CDK14: variants seen among roughly 807,000 people sequenced by gnomAD.
CDK14 encodes cyclin dependent kinase 14.
A neutral mutation model predicts 60.7 loss-of-function variants in CDK14; 34 were observed. The ratio of observed to expected loss-of-function variants is 0.56; its 90% CI spans 0.43 to 0.75. The LOEUF is 0.75. CDK14 is among the 30% of genes least tolerant of loss of function. CDK14 has a pLI of 0.00. For missense variants in CDK14, 482 were observed against 564.1 expected (o/e 0.85, Z 1.47); for synonymous variants, 197 against 203.7 (o/e 0.97, Z 0.28).
At chr7:90,966,805 T>C (rs567730457) in intron 9 of CDK14, among the ~76,000 whole-genome samples, 8 of 152,300 alleles carry the variant, frequency 5.3e-5, no homozygotes, top group African/African-American at 1.4e-4. Context: ...CTGAACTTTT[T>C]CCAAGTTGCT....
chr7:91,191,263 T>TA (rs1244189762), intron 14 of CDK14, among the ~76,000 whole-genome samples: 1 of 152,118 alleles, frequency 6.6e-6, no homozygotes, highest in Non-Finnish European at 1.5e-5. Context: ...CACAGCTTCA[T>TA]ACACCACTGA....
intron 14 of CDK14, among the ~76,000 whole-genome samples, chr7:91,149,095 A>G (rs1450842426): frequency 6.6e-6 from 1 of 152,204 alleles, no homozygotes; most frequent in Non-Finnish European, 1.5e-5. Flanking sequence ...AATCATTGCA[A>G]TATACAAGCA....
intron 14 of CDK14, among the ~76,000 whole-genome samples, chr7:91,138,842 G>C (rs1373146967): frequency 6.6e-6 from 1 of 151,878 alleles, no homozygotes; most frequent in Non-Finnish European, 1.5e-5. Flanking sequence ...AATAAAACTG[G>C]GCCCTGGGCG....
At chr7:91,056,390 T>A (rs899032273) in intron 11 of CDK14, among the ~76,000 whole-genome samples, 1 of 152,168 alleles carries the variant, frequency 6.6e-6, no homozygotes, top group African/African-American at 2.4e-5. Flanking sequence ...TTCATATAAA[T>A]TTTTCAGCAT....
intron 4 of CDK14, among the ~76,000 whole-genome samples, chr7:90,772,484 C>T (rs1246057575): frequency 6.6e-6 from 1 of 152,014 alleles, no homozygotes; most frequent in Non-Finnish European, 1.5e-5. Flanking sequence ...TTGTGGGAGG[C>T]GATTGGATCA....
At chr7:91,174,170 C>A (rs1028398502) in intron 14 of CDK14, among the ~76,000 whole-genome samples, 2 of 152,028 alleles carry the variant, frequency 1.3e-5, no homozygotes, top group Admixed American at 1.3e-4. Context: ...AGCAGCCTAA[C>A]TGGGAGGCAC....
At chr7:90,920,403 C>T (rs1023201230) in intron 8 of CDK14, among the ~76,000 whole-genome samples, 4 of 152,104 alleles carry the variant, frequency 2.6e-5, no homozygotes, top group African/African-American at 9.7e-5. Context: ...AGGGAAAAGA[C>T]TAAAATTTAT....
chr7:90,899,420 G>C lies in CDK14; in HGVS notation c.702+67G>C, dbSNP rs190268211. The C allele has an allele frequency of 1.7e-5, 21 of 1,209,420 alleles. No individual in the cohort carries two copies. In the Admixed American group the frequency reaches 4.9e-4, roughly 28 times the overall value. The allele number at this position is 1,209,420 out of a possible 1,614,324, so 74.9% of individuals were successfully genotyped here. On this transcript the variant is annotated intron_variant, in intron 7 of 14. Coordinates refer to ENST00000380050, the MANE Select transcript of CDK14 (RefSeq NM_001287135.2). ...TGTGTATTTTTTGAACTGAAGTCTA[G>C]CATCTCTACCATAACATATTTAAAT...
Position 91,192,306 on chromosome 7 carries a change from T to C in CDK14, c.*29-14859T>C, listed in dbSNP as rs141178180. ...GAACAGCAGATAGAAAACCATGAGT[T>C]GCTCTTCTAATGATCAGAAAAACAC... On this transcript the variant is annotated intron_variant, in intron 14 of 14. Transcript: ENST00000380050. Among the ~76,000 whole-genome samples the C allele has an allele frequency of 3.4e-3, 517 of 152,302 alleles. 2 individuals carry two copies. Among genetic ancestry groups the C allele is most frequent in the Middle Eastern group, 0.014 (4 of 294 alleles).
chr7:91,114,052 T>C (rs1364726136), intron 13 of CDK14, among the ~76,000 whole-genome samples: 1 of 152,174 alleles, frequency 6.6e-6, no homozygotes, highest in Non-Finnish European at 1.5e-5. Flanking sequence ...AAAATAATTT[T>C]CCTATACTGA....
In CDK14 at chr7:90,660,996, A is replaced by G. The variant is rs1002819224; in HGVS notation, c.123+56747A>G. On this transcript the variant is annotated intron_variant, in intron 2 of 14. Coordinates refer to ENST00000380050, the MANE Select transcript of CDK14 (RefSeq NM_001287135.2). ...TGAGTCACAGGAGGTAGAAACTGAC[A>G]AAACCATGGAGTGCAGCCACTGTGT... Among the ~76,000 whole-genome samples the G allele has an allele frequency of 1.2e-4, 19 of 152,230 alleles. 1 individual carries two copies. The highest frequency in any genetic ancestry group is 2.4e-4 in the Non-Finnish European group (16 of 68,038).
At chr7:90,945,759 A>G (rs1794081936) in intron 8 of CDK14, among the ~76,000 whole-genome samples, 1 of 152,238 alleles carries the variant, frequency 6.6e-6, no homozygotes, top group South Asian at 2.1e-4. Flanking sequence ...AGGAGAGTCA[A>G]GAATGCATCA....
intron 10 of CDK14, among the ~76,000 whole-genome samples, chr7:91,037,097 T>C (rs1048961736): frequency 4.6e-5 from 7 of 152,260 alleles, no homozygotes; most frequent in African/African-American, 1.7e-4. Context: ...GCTTGCTGCA[T>C]GCCACCTGTT....
At chr7:90,975,373 AT>A (rs1170303740) in intron 9 of CDK14, among the ~76,000 whole-genome samples, 1 of 151,784 alleles carries the variant, frequency 6.6e-6, no homozygotes, top group Non-Finnish European at 1.5e-5. Flanking sequence ...AATAATTTAC[AT>A]TTTCATTGGG....
At chr7:90,688,611 T>C (rs540340819) in intron 2 of CDK14, among the ~76,000 whole-genome samples, 109 of 152,306 alleles carry the variant, frequency 7.2e-4, no homozygotes, top group African/African-American at 2.5e-3. Context: ...AAACTGCTGC[T>C]AACAGATTAT....
chr7:90,758,408 A>C (rs1289220137), intron 4 of CDK14, among the ~76,000 whole-genome samples: 1 of 152,188 alleles, frequency 6.6e-6, no homozygotes, highest in Non-Finnish European at 1.5e-5. Context: ...TGTAGCATTT[A>C]ATATAGGATT....
At chr7:90,628,977 T>C (rs1035232962) in intron 2 of CDK14, among the ~76,000 whole-genome samples, 2 of 151,932 alleles carry the variant, frequency 1.3e-5, no homozygotes, top group Non-Finnish European at 2.9e-5. Context: ...AGATCTAGTA[T>C]ATGATAGCAA....
At chr7:91,054,977 A>G (rs757732054) in intron 11 of CDK14, among the ~76,000 whole-genome samples, 4 of 152,186 alleles carry the variant, frequency 2.6e-5, no homozygotes, top group Non-Finnish European at 5.9e-5. Flanking sequence ...CCTACAGGCT[A>G]CAAAAAGTCA....
chr7:90,956,528 A>G (rs1200141150), intron 9 of CDK14, among the ~76,000 whole-genome samples: 9 of 152,196 alleles, frequency 5.9e-5, no homozygotes, highest in Admixed American at 2.0e-4. Context: ...ATCTTTTATT[A>G]ATAAAATAAT....
Sources: gnomAD v4.1 joint callset for allele counts (sites outside exome capture counted in the v4.1 genomes callset) on GRCh38, gnomAD v4.1.1 for gene constraint, MANE v1.5 for transcripts, NCBI Gene and HGNC (gene_info 2026-07-23, HGNC 2026-07-21) for gene names.